The following STK32A variants were observed in gnomAD, a reference collection of about 807,000 sequenced individuals.
STK32A encodes the protein serine/threonine-protein kinase 32A.
In STK32A, 41 loss-of-function variants were observed where a neutral mutation model predicts 53.2. The observed-to-expected ratio is 0.77, with a 90% CI of 0.60 to 1.00. The LOEUF (loss-of-function observed/expected upper bound fraction) is 1.00. Ranked by LOEUF, STK32A falls within the 50% of genes least tolerant of loss-of-function variation. The pLI is 0.00. For synonymous variants in STK32A, 166 were observed against 162.8 expected (o/e 1.02, Z -0.15); for missense variants, 458 against 485.8 (o/e 0.94, Z 0.54).
At chr5:147,270,098 A>G (rs376228920) in intron 2 of STK32A, among the ~76,000 whole-genome samples, 5 of 152,242 alleles carry the variant, frequency 3.3e-5, no homozygotes, top group Non-Finnish European at 7.3e-5. Flanking sequence ...TTTAAATAGA[A>G]ATACATCATT....
chr5:147,382,046 A>G, intron 11 of STK32A, among the ~76,000 whole-genome samples: 1 of 143,236 alleles, frequency 7.0e-6, no homozygotes, highest in African/African-American at 2.4e-5. Flanking sequence ...ATTCAAAGCC[A>G]TCCTGAGGCA....
chr5:147,359,272 G>C (rs947252237), intron 7 of STK32A, among the ~76,000 whole-genome samples: 5 of 152,066 alleles, frequency 3.3e-5, no homozygotes, highest in African/African-American at 9.7e-5. Flanking sequence ...TTATGTTTTT[G>C]TATGTTGTCA....
the STK32A span, chr5:147,394,094 C>T: frequency 6.2e-7 from 1 of 1,614,138 alleles, no homozygotes; most frequent in Non-Finnish European, 8.5e-7. Context: ...CGCTTGCTGG[C>T]TGAGCGAACC....
chr5:147,310,465 C>A (rs563617548), intron 4 of STK32A, among the ~76,000 whole-genome samples: 1 of 152,268 alleles, frequency 6.6e-6, no homozygotes, highest in South Asian at 2.1e-4. Context: ...TCCTGTCTCT[C>A]CGCTCTGGAG....
the STK32A span, among the ~76,000 whole-genome samples, chr5:147,395,286 C>T: frequency 6.6e-6 from 1 of 152,220 alleles, no homozygotes; most frequent in African/African-American, 2.4e-5. Flanking sequence ...AGCTCCCCGA[C>T]CCTGCCCCCA....
chr5:147,317,323 CTTTTTTT>C (rs3064294), intron 4 of STK32A, among the ~76,000 whole-genome samples: 4 of 81,314 alleles, frequency 4.9e-5, no homozygotes, highest in South Asian at 1.1e-3. Flanking sequence ...CTTTTTCTTT[CTTTTTTT>C]TTTTTTTTTT....
chr5:147,329,407 CA>C (rs1482745038), intron 5 of STK32A, among the ~76,000 whole-genome samples: 1 of 152,184 alleles, frequency 6.6e-6, no homozygotes, highest in Non-Finnish European at 1.5e-5. Flanking sequence ...AATATTTATT[CA>C]AAAATTATTT....
rs1754775960 is a variant in STK32A, at chr5:147,329,783, C to A, written c.434+5712C>A. On this transcript the variant is annotated intron_variant, in intron 5 of 12. Transcript: ENST00000397936. ...AATCTTAAGCCCTCATAAGTGGATA[C>A]TACACCTCACTTATGTTTTAATCTC... Among the ~76,000 whole-genome samples, 4 of 152,188 alleles carry A rather than the reference C, an allele frequency of 2.6e-5. No individual in the cohort carries two copies. In the South Asian group the frequency reaches 8.3e-4, roughly 32 times the overall value.
chr5:147,237,076 G>A (rs181901290), intron 1 of STK32A, among the ~76,000 whole-genome samples: 3 of 152,258 alleles, frequency 2.0e-5, no homozygotes, highest in Admixed American at 2.0e-4. Flanking sequence ...ACTTTGGGAG[G>A]CCGAGGTGGG....
chr5:147,360,840 A>G (rs1756472449), intron 7 of STK32A, among the ~76,000 whole-genome samples: 2 of 152,218 alleles, frequency 1.3e-5, no homozygotes, highest in African/African-American at 4.8e-5. Flanking sequence ...TAAAAGGTTC[A>G]TAGTGTGTCA....
chr5:147,249,286 G>T (rs1753880040), intron 2 of STK32A, among the ~76,000 whole-genome samples: 1 of 151,982 alleles, frequency 6.6e-6, no homozygotes. Context: ...GTAGAAGGGG[G>T]CTAATAATAG....
chr5:147,325,695 G>T (rs1379897135), intron 5 of STK32A, among the ~76,000 whole-genome samples: 1 of 152,086 alleles, frequency 6.6e-6, no homozygotes, highest in African/African-American at 2.4e-5. Context: ...GATCTCAGAA[G>T]TGAATTTGCA....
At chr5:147,255,421 G>A (rs1043319501) in intron 2 of STK32A, among the ~76,000 whole-genome samples, 1 of 152,146 alleles carries the variant, frequency 6.6e-6, no homozygotes, top group South Asian at 2.1e-4. Flanking sequence ...CACAGCACCC[G>A]ACAAGAATAA....
chr5:147,283,997 G>A (rs1046726660), intron 4 of STK32A, among the ~76,000 whole-genome samples: 7 of 152,036 alleles, frequency 4.6e-5, no homozygotes, highest in African/African-American at 7.2e-5. Context: ...CAATATCACT[G>A]ATGAACACAG....
intron 4 of STK32A, among the ~76,000 whole-genome samples, chr5:147,292,155 C>A (rs1752628519): frequency 6.6e-6 from 1 of 152,158 alleles, no homozygotes; most frequent in South Asian, 2.1e-4. Flanking sequence ...GTGAGGGTAC[C>A]ATGTAGACAA....
At chr5:147,394,032 TG>T in the STK32A span, 1 of 1,614,066 alleles carries the variant, frequency 6.2e-7, no homozygotes, top group Non-Finnish European at 8.5e-7. Context: ...GAGGAAGGCT[TG>T]CTTAACTCAG....
At position 147,375,220 on chromosome 5, in the gene STK32A, T is replaced by A; in HGVS notation, c.1032+2T>A. 6.2e-7 allele frequency: 1 copy of A among 1,610,196 alleles called. No homozygotes were observed. Among genetic ancestry groups the A allele is most frequent in the Non-Finnish European group, 8.5e-7 (1 of 1,178,308 alleles). ...ATGAGGAAATGCGATTCTTCTCAGGTAAGCAGGTCCCCACCAAACTCAGGG... is the reference window on the plus strand; with the variant it reads ...ATGAGGAAATGCGATTCTTCTCAGGAAAGCAGGTCCCCACCAAACTCAGGG... On this transcript the variant is annotated splice_donor_variant, in intron 11 of 12. Coordinates refer to ENST00000397936, the MANE Select transcript of STK32A (RefSeq NM_001112724.2). LOFTEE classifies it high-confidence loss of function.
chr5:147,329,465 G>A (rs1042165575), intron 5 of STK32A, among the ~76,000 whole-genome samples: 6 of 152,216 alleles, frequency 3.9e-5, no homozygotes, highest in Admixed American at 2.0e-4. Context: ...CTCCCATGGG[G>A]AAGAAGACAA....
chr5:147,382,643 C>T (rs563229973), intron 11 of STK32A, among the ~76,000 whole-genome samples: 1 of 152,158 alleles, frequency 6.6e-6, no homozygotes, highest in Admixed American at 6.5e-5. Flanking sequence ...TGTCTCCATG[C>T]CAAGGATCAG....
Sources: gnomAD v4.1 joint callset for allele counts (sites outside exome capture counted in the v4.1 genomes callset) on GRCh38, gnomAD v4.1.1 for gene constraint, MANE v1.5 for transcripts, NCBI Gene and HGNC (gene_info 2026-07-23, HGNC 2026-07-21) for gene names.